Variants in INTS14 observed in about 807,000 individuals in gnomAD.
INTS14 encodes the protein integrator complex subunit 14, also known as UPF0464 protein C15orf44.
A neutral mutation model predicts 56.9 loss-of-function variants in INTS14; 27 were observed. The ratio of observed to expected loss-of-function variants is 0.47; its 90% CI spans 0.35 to 0.65. The LOEUF (loss-of-function observed/expected upper bound fraction) is 0.65. Among genes scored for constraint, INTS14 ranks in the 30% least tolerant of loss-of-function variants. INTS14 has a pLI of 0.00. For synonymous variants in INTS14, 207 were observed against 236.2 expected (o/e 0.88, Z 1.13); for missense variants, 517 against 632.2 (o/e 0.82, Z 1.95).
intron 1 of INTS14, among the ~76,000 whole-genome samples, chr15:65,608,973 C>T (rs1183590530): frequency 1.3e-5 from 2 of 152,254 alleles, no homozygotes; most frequent in Non-Finnish European, 2.9e-5. Flanking sequence ...TCTCCGCTCA[C>T]TGCAAGCACC....
At chr15:65,588,823 T>C (rs2072923025) in intron 9 of INTS14, among the ~76,000 whole-genome samples, 1 of 152,014 alleles carries the variant, frequency 6.6e-6, no homozygotes. Flanking sequence ...CTGAGGTAAG[T>C]TTTATTATTA....
intron 1 of INTS14, chr15:65,610,627 C>A: frequency 6.6e-7 from 1 of 1,504,218 alleles, no homozygotes; most frequent in Non-Finnish European, 8.9e-7. Flanking sequence ...TCATAAAGAA[C>A]TGATTCTCAG....
At chr15:65,605,534 A>G (rs2073612886) in intron 2 of INTS14, among the ~76,000 whole-genome samples, 1 of 152,264 alleles carries the variant, frequency 6.6e-6, no homozygotes, top group African/African-American at 2.4e-5. Context: ...TAAACACATC[A>G]CAAAAATAAT....
At chr15:65,595,142 A>G (rs545306526) in intron 7 of INTS14, among the ~76,000 whole-genome samples, 1 of 152,360 alleles carries the variant, frequency 6.6e-6, no homozygotes, top group East Asian at 1.9e-4. Flanking sequence ...TACCCACCAC[A>G]GCACAGTGCC....
At position 65,607,439 on chromosome 15, in the gene INTS14, A is replaced by C; in HGVS notation, c.-59T>G. ...GCAAACAGACAGCTATAAACGAAGA[A>C]ATGCTGCAGAAAATAAATACGTTCT... On this transcript the variant is annotated 5_prime_UTR_variant, in exon 2 of 12. The change creates a new upstream start codon in the 5' untranslated region. Transcript: ENST00000313182. The C allele has an allele frequency of 1.3e-6, 2 of 1,591,898 alleles. No individual in the cohort carries two copies. The highest frequency in any genetic ancestry group is 1.7e-6 in the Non-Finnish European group (2 of 1,164,860).
intron 1 of INTS14, among the ~76,000 whole-genome samples, chr15:65,610,294 G>C (rs1040249600): frequency 6.6e-6 from 1 of 152,190 alleles, no homozygotes; most frequent in Non-Finnish European, 1.5e-5. Flanking sequence ...AGGAGGCAGA[G>C]GTTGCAGTGA....
At chr15:65,591,853 A>G (rs1241553883) in intron 8 of INTS14, 122 bp from the exon 9 acceptor site, 3 of 1,138,292 alleles carry the variant, frequency 2.6e-6, no homozygotes, top group South Asian at 1.7e-5. Context: ...CAGGCACACT[A>G]CTTTTACCAA....
At chr15:65,610,285 G>A (rs2073850676) in intron 1 of INTS14, among the ~76,000 whole-genome samples, 1 of 152,190 alleles carries the variant, frequency 6.6e-6, no homozygotes, top group Non-Finnish European at 1.5e-5. Context: ...CTTGAACCCA[G>A]GAGGCAGAGG....
intron 1 of INTS14, among the ~76,000 whole-genome samples, chr15:65,608,357 T>A: frequency 1.0e-5 from 1 of 99,018 alleles, no homozygotes; most frequent in Non-Finnish European, 1.8e-5. Flanking sequence ...AGACGAAGGC[T>A]CCATCTCAAA....
At chr15:65,606,903 C>T (rs2073674110) in intron 2 of INTS14, among the ~76,000 whole-genome samples, 1 of 152,156 alleles carries the variant, frequency 6.6e-6, no homozygotes, top group Non-Finnish European at 1.5e-5. Context: ...GAGATGCTCA[C>T]TTTTCCACAG....
intron 9 of INTS14, among the ~76,000 whole-genome samples, chr15:65,590,872 A>C (rs1053756889): frequency 6.6e-6 from 1 of 152,228 alleles, no homozygotes; most frequent in Middle Eastern, 3.2e-3. Context: ...AAATGACTTA[A>C]TCAAAAGGAG....
At chr15:65,590,526 T>C (rs2072987063) in intron 9 of INTS14, among the ~76,000 whole-genome samples, 2 of 152,242 alleles carry the variant, frequency 1.3e-5, no homozygotes, top group Non-Finnish European at 2.9e-5. Flanking sequence ...CTTCCTTTTC[T>C]TTCTGTAGGT....
Position 65,607,184 on chromosome 15 carries a change from A to C in INTS14, c.197T>G (p.Phe66Cys). Residue 66 changes from phenylalanine to cysteine, a missense_variant, in exon 2 of 12, where the codon TTC becomes TGC. Physicochemically the swap from Phe to Cys is radical, Grantham distance 205. Coordinates refer to ENST00000313182, the MANE Select transcript of INTS14 (RefSeq NM_001394796.1). ...CTGTAGGGTATTATAATCTCTCGTG[A>C]AGGGGACCATCAACTCCCAAAGTGA... Reference protein sequence around the residue: ...FSSLWELMVPFTRDYNTLQEA... With the variant: ...FSSLWELMVPCTRDYNTLQEA... 6.2e-7 allele frequency: 1 copy of C among 1,614,230 alleles called. No homozygotes were observed. Among genetic ancestry groups the C allele is most frequent in the Non-Finnish European group, 8.5e-7 (1 of 1,180,042 alleles).
At chr15:65,579,738 A>T (rs2072519283) in intron 11 of INTS14, 79 bp from the exon 12 acceptor site, 1 of 1,517,802 alleles carries the variant, frequency 6.6e-7, no homozygotes, top group Non-Finnish European at 8.9e-7. Context: ...GCTTAGCATA[A>T]GTTCTCCTTG....
intron 1 of INTS14, among the ~76,000 whole-genome samples, chr15:65,608,698 T>G (rs150090145): frequency 3.3e-5 from 5 of 152,218 alleles, no homozygotes; most frequent in African/African-American, 1.2e-4. Flanking sequence ...CAGAACTGTA[T>G]TATACACTGC....
At chr15:65,607,477 A>T in intron 1 of INTS14, 35 bp from the exon 2 acceptor site, 1 of 1,534,154 alleles carries the variant, frequency 6.5e-7, no homozygotes, top group Non-Finnish European at 8.8e-7. Flanking sequence ...CATGTCATGG[A>T]GAGAAAATAA....
In INTS14 at chr15:65,578,767, T is replaced by C. The variant is rs545716335; in HGVS notation, c.*641A>G. The C allele has an allele frequency of 6.2e-4, 94 of 152,306 alleles. No individual in the cohort carries two copies. The highest frequency in any genetic ancestry group is 2.2e-3 in the African/African-American group (90 of 41,562). 9.4% of individuals were successfully genotyped at this position (152,306 alleles called of 1,614,324 possible). A position where few individuals can be genotyped will look rare whatever the true frequency, so the allele number is the denominator to read the frequency against. On this transcript the variant is annotated 3_prime_UTR_variant, in exon 12 of 12. Transcript: ENST00000313182. Reference sequence around the variant, plus strand: ...CAAAAGCAAACGACCTTTAGTTTCATAGTGAAACCATTTTCTAGAAAATCA... The same window carrying C: ...CAAAAGCAAACGACCTTTAGTTTCACAGTGAAACCATTTTCTAGAAAATCA...
chr15:65,607,029 G>T, intron 2 of INTS14, 130 bp downstream of exon 2: 1 of 1,161,244 alleles, frequency 8.6e-7, no homozygotes, highest in Non-Finnish European at 1.2e-6. Flanking sequence ...TTGCTGTTTA[G>T]TTACACATAT....
chr15:65,589,828 T>C (rs756885806), intron 9 of INTS14, among the ~76,000 whole-genome samples: 19 of 152,196 alleles, frequency 1.2e-4, no homozygotes, highest in Non-Finnish European at 2.1e-4. Flanking sequence ...ATTTTAACTA[T>C]TTATGATAGG....
Sources: allele counts gnomAD v4.1 joint callset (sites outside exome capture counted in the v4.1 genomes callset), GRCh38; gene constraint gnomAD v4.1.1; transcripts MANE v1.5; gene names NCBI Gene and HGNC (gene_info 2026-07-23, HGNC 2026-07-21).